Variants in ERGIC1 observed in about 807,000 individuals in gnomAD.
ERGIC1 encodes endoplasmic reticulum-Golgi intermediate compartment protein 1.
ERGIC1 carries 19 observed loss-of-function variants against 38.3 expected under a neutral mutation model. That is an observed-to-expected ratio of 0.50 (90% CI 0.35 to 0.73). The LOEUF (loss-of-function observed/expected upper bound fraction) is 0.73. Among genes scored for constraint, ERGIC1 ranks in the 30% least tolerant of loss-of-function variants. The pLI is 0.01. For missense variants in ERGIC1, 294 were observed against 389.2 expected, an observed-to-expected ratio of 0.76 and a Z score of 2.06; for synonymous variants, 124 against 157.6, an observed-to-expected ratio of 0.79 and a Z score of 1.60.
intron 2 of ERGIC1, among the ~76,000 whole-genome samples, chr5:172,890,360 A>C (rs1288460943): frequency 6.6e-6 from 1 of 152,214 alleles, no homozygotes; most frequent in Non-Finnish European, 1.5e-5. Context: ...ATGAAAATGC[A>C]AAGTGGACTC....
At chr5:172,947,161 C>A (rs540656773) in intron 9 of ERGIC1, among the ~76,000 whole-genome samples, 8 of 139,998 alleles carry the variant, frequency 5.7e-5, no homozygotes, top group Non-Finnish European at 1.2e-4. Context: ...CCAATCTGGG[C>A]GACAAGAGTG....
intron 5 of ERGIC1, among the ~76,000 whole-genome samples, chr5:172,920,043 A>G (rs1763469772): frequency 6.6e-6 from 1 of 152,182 alleles, no homozygotes; most frequent in African/African-American, 2.4e-5. Context: ...CAGGCAGCCT[A>G]GCACCAGGGC....
chr5:172,849,338 A>G (rs1224361803), intron 1 of ERGIC1, among the ~76,000 whole-genome samples: 1 of 152,152 alleles, frequency 6.6e-6, no homozygotes, highest in Non-Finnish European at 1.5e-5. Flanking sequence ...AGTCAGATTC[A>G]GGTGGCCTGG....
chr5:172,840,704 G>GT (rs1221677441), intron 1 of ERGIC1, among the ~76,000 whole-genome samples: 7 of 152,184 alleles, frequency 4.6e-5, no homozygotes, highest in African/African-American at 9.6e-5. Flanking sequence ...GTAAGGGGCC[G>GT]TAACTTTCTA....
chr5:172,885,157 T>G (rs1230128091), intron 1 of ERGIC1, among the ~76,000 whole-genome samples: 8 of 152,180 alleles, frequency 5.3e-5, no homozygotes, highest in African/African-American at 1.9e-4. Context: ...TGAGATAGGG[T>G]CTCACTGTGT....
intron 4 of ERGIC1, among the ~76,000 whole-genome samples, chr5:172,912,195 C>A (rs1763224322): frequency 6.6e-6 from 1 of 151,854 alleles, no homozygotes; most frequent in East Asian, 1.9e-4. Context: ...GTCCTGCGTC[C>A]TTTGGCTATA....
chr5:172,892,062 GTTTTTTTTT>G (rs573472747), intron 2 of ERGIC1, among the ~76,000 whole-genome samples: 2 of 90,228 alleles, frequency 2.2e-5, no homozygotes, highest in Admixed American at 1.2e-4. Context: ...TAAAGAGTAT[GTTTTTTTTT>G]TTTTTTTTTT....
chr5:172,948,796 C>G (rs10060067), intron 9 of ERGIC1, among the ~76,000 whole-genome samples: 3 of 152,052 alleles, frequency 2.0e-5, no homozygotes, highest in African/African-American at 2.4e-5. Flanking sequence ...TGCCTGTAAT[C>G]CTAGCACTTT....
chr5:172,928,457 CG>C (rs1561740410), intron 7 of ERGIC1, among the ~76,000 whole-genome samples: 1 of 152,200 alleles, frequency 6.6e-6, no homozygotes, highest in Non-Finnish European at 1.5e-5. Context: ...CAAACGCCAC[CG>C]TCTCCAAGAA....
chr5:172,864,870 G>A (rs2113124495), intron 1 of ERGIC1, among the ~76,000 whole-genome samples: 1 of 151,976 alleles, frequency 6.6e-6, no homozygotes, highest in East Asian at 1.9e-4. Flanking sequence ...CTTAAGCCCG[G>A]CTCACACAGC....
intron 1 of ERGIC1, among the ~76,000 whole-genome samples, chr5:172,855,106 C>T (rs1761511897): frequency 1.3e-5 from 2 of 152,184 alleles, no homozygotes; most frequent in Non-Finnish European, 2.9e-5. Context: ...CCCCAACGGA[C>T]AGTGGTGGAT....
At chr5:172,885,589 G>T (rs758326592) in intron 1 of ERGIC1, among the ~76,000 whole-genome samples, 1 of 152,136 alleles carries the variant, frequency 6.6e-6, no homozygotes, top group Non-Finnish European at 1.5e-5. Flanking sequence ...GATCCCCTGT[G>T]CACCCCCTCA....
intron 9 of ERGIC1, among the ~76,000 whole-genome samples, chr5:172,946,754 G>A (rs536750678): frequency 3.0e-4 from 46 of 152,212 alleles, no homozygotes; most frequent in Non-Finnish European, 5.7e-4. Context: ...GTGACTCTAC[G>A]TCACCTCATG....
chr5:172,912,583 T>C (rs1763233688), intron 4 of ERGIC1, among the ~76,000 whole-genome samples: 1 of 151,952 alleles, frequency 6.6e-6, no homozygotes. Context: ...GAGATGGGGT[T>C]TCACTACTTT....
intron 1 of ERGIC1, among the ~76,000 whole-genome samples, chr5:172,863,206 C>T (rs1761763938): frequency 6.6e-6 from 1 of 152,240 alleles, no homozygotes; most frequent in Admixed American, 6.5e-5. Context: ...CCACCTCGGC[C>T]TCCCATAGTG....
intron 5 of ERGIC1, among the ~76,000 whole-genome samples, chr5:172,923,539 G>A (rs1349280194): frequency 6.6e-6 from 1 of 152,218 alleles, no homozygotes; most frequent in Non-Finnish European, 1.5e-5. Context: ...GGCTACCACA[G>A]TCTGTCCATC....
At chr5:172,924,240 G>A in intron 6 of ERGIC1, 131 bp downstream of exon 6, 2 of 847,096 alleles carry the variant, frequency 2.4e-6, no homozygotes, top group South Asian at 3.1e-5. Flanking sequence ...AAGCCTGGAA[G>A]GGTAAGAAGG....
At chr5:172,897,139 G>GGGCCAGGTTT in intron 3 of ERGIC1, 65 bp downstream of exon 3, 1 of 1,529,770 alleles carries the variant, frequency 6.5e-7, no homozygotes, top group Non-Finnish European at 9.0e-7. Context: ...GAAGAGGGAG[G>GGGCCAGGTTT]GGTCTTTGGC....
rs755538561 is a variant in ERGIC1, at chr5:172,935,176, C to T, written c.643-12C>T. 1.2e-5 allele frequency: 19 copies of T among 1,613,910 alleles called. No individual in the cohort carries two copies. The East Asian group carries it at 2.9e-4, about 25-fold the overall frequency. ...CAGTTTGTACTTCTGATTCTTATAT[C>T]CTCTACCCCAGGAATACGTCGCCTA... On this transcript the variant is annotated splice_polypyrimidine_tract_variant and intron_variant, in intron 8 of 9. Transcript: ENST00000393784.
Sources: allele counts gnomAD v4.1 joint callset (sites outside exome capture counted in the v4.1 genomes callset), GRCh38; gene constraint gnomAD v4.1.1; transcripts MANE v1.5; gene names NCBI Gene and HGNC (gene_info 2026-07-23, HGNC 2026-07-21).